Variants in CHIT1 observed in about 807,000 individuals in gnomAD.
The protein encoded by CHIT1 is chitotriosidase-1.
A neutral mutation model predicts 52.0 loss-of-function variants in CHIT1; 47 were observed. The ratio of observed to expected loss-of-function variants is 0.90; its 90% confidence interval spans 0.71 to 1.15. The LOEUF (loss-of-function observed/expected upper bound fraction) is 1.15. Among genes scored for constraint, CHIT1 ranks in the 50% most tolerant of loss-of-function variants. CHIT1 has a pLI of 0.00. For synonymous variants in CHIT1, 242 were observed against 228.2 expected (o/e 1.06, Z -0.54); for missense variants, 569 against 583.0 (o/e 0.98, Z 0.25).
chr1:203,221,878 G>A (rs935512801), intron 7 of CHIT1, among the ~76,000 whole-genome samples: 5 of 152,278 alleles, frequency 3.3e-5, no homozygotes, highest in African/African-American at 1.2e-4. Flanking sequence ...AGGAAATGGG[G>A]TGGGGGTGTG....
rs374174850 is a variant in CHIT1, at chr1:203,216,984, T to C, written c.1306A>G (p.Ser436Gly). The part of the protein sequence containing the change: ...GLYPNPRERS[S>G]FYSCAAGRLF... ...CGCCCCGCTGCACAGCTGTAGAAGC[T>C]GGACCGTTCCCGAGGATTGGGATAG... is the stretch of plus-strand genomic sequence containing the variant. Residue 436 changes from serine (S) to glycine (G), a missense_variant, in exon 11 of 11, where the codon AGC (serine) becomes GGC (glycine). Ser to Gly is a moderately conservative substitution (Grantham distance 56). Coordinates refer to ENST00000367229, the MANE Select transcript of CHIT1 (RefSeq NM_003465.3). The C allele has an allele frequency of 2.5e-6, 4 of 1,614,076 alleles. No individual in the cohort carries two copies. The highest frequency in any genetic ancestry group is 2.7e-5 in the African/African-American group (2 of 74,948).
intron 4 of CHIT1, among the ~76,000 whole-genome samples, chr1:203,224,159 GTCATCT>G (rs769846435): frequency 5.9e-5 from 9 of 152,136 alleles, no homozygotes; most frequent in Non-Finnish European, 1.3e-4. Flanking sequence ...GGTTAACCTG[GTCATCT>G]TTCTTTTAAC....
intron 1 of CHIT1, 21 bp from the exon 2 acceptor site, chr1:203,228,583 A>G: frequency 2.5e-6 from 4 of 1,577,486 alleles, no homozygotes; most frequent in Non-Finnish European, 3.5e-6. Flanking sequence ...ACAAGAGAGA[A>G]GGCCAGGGTT....
At position 203,223,200 on chromosome 1, in the gene CHIT1, C is replaced by T; in HGVS notation, c.540G>A (p.Leu180=). The part of the protein sequence containing the change: ...AQTSGKERLL[L]SAAVPAGQTY... ...TCTGCCCAGCTGGAACCGCTGCACT[C>T]AGAAGAAGGCGTTCCTTCCCTGAGG... The change falls in exon 6 of 11, where the codon CTG becomes CTA. Residue 180 remains leucine (L), a synonymous_variant. Coordinates refer to ENST00000367229, the MANE Select transcript of CHIT1 (RefSeq NM_003465.3). 1 of 1,614,228 alleles carries T rather than the reference C, an allele frequency of 6.2e-7. No homozygotes were observed. The highest frequency in any genetic ancestry group is 8.5e-7 in the Non-Finnish European group (1 of 1,180,046).
chr1:203,227,849 G>A (rs1250776895), intron 2 of CHIT1, among the ~76,000 whole-genome samples: 1 of 152,176 alleles, frequency 6.6e-6, no homozygotes, highest in Non-Finnish European at 1.5e-5. Context: ...AGGCTGAGAG[G>A]GAAATGTACC....
intron 6 of CHIT1, 48 bp from the exon 7 acceptor site, chr1:203,222,373 G>A (rs1479393787): frequency 1.1e-5 from 17 of 1,613,524 alleles, no homozygotes; most frequent in Admixed American, 5.0e-5. Flanking sequence ...ATTGGGGGTG[G>A]GGTAGCCCTT....
intron 4 of CHIT1, among the ~76,000 whole-genome samples, chr1:203,224,455 CA>C (rs202052416): frequency 2.0e-3 from 302 of 152,252 alleles, no homozygotes; most frequent in African/African-American, 6.8e-3. Context: ...ATCAGATTCC[CA>C]AAAGGGTTCA....
At chr1:203,229,038 T>C (rs1181765055) in intron 1 of CHIT1, among the ~76,000 whole-genome samples, 1 of 152,184 alleles carries the variant, frequency 6.6e-6, no homozygotes, top group Non-Finnish European at 1.5e-5. Flanking sequence ...TTCCGCTACC[T>C]GGCTGTGGTA....
chr1:203,228,645 G>A (rs956047929), intron 1 of CHIT1, 83 bp from the exon 2 acceptor site: 1 of 1,475,208 alleles, frequency 6.8e-7, no homozygotes, highest in Non-Finnish European at 9.3e-7. Flanking sequence ...AGCACAGGAG[G>A]TGGTCAGGGA....
Position 203,217,735 on chromosome 1 carries a change from T to C in CHIT1, c.1156+4A>G, listed in dbSNP as rs2297947. 5.3e-4 allele frequency: 849 copies of C among 1,613,590 alleles called. 12 individuals are homozygous for C. The East Asian group carries it at 0.014, about 27-fold the overall frequency. On this transcript the variant is annotated splice_donor_region_variant and intron_variant, in intron 10 of 10. Coordinates refer to ENST00000367229, the MANE Select transcript of CHIT1 (RefSeq NM_003465.3). ...CCACCACTGGCCCTGGGCCCCTTAC[T>C]TACTCAGTTCCTGCCGTAGCGTCTG...
intron 7 of CHIT1, among the ~76,000 whole-genome samples, chr1:203,220,512 C>G (rs1201432054): frequency 6.6e-6 from 1 of 152,172 alleles, no homozygotes. Flanking sequence ...TTATATATTA[C>G]TTGGTGTAAC....
At chr1:203,228,643 A>C in intron 1 of CHIT1, 81 bp from the exon 2 acceptor site, 1 of 1,480,848 alleles carries the variant, frequency 6.8e-7, no homozygotes, top group East Asian at 2.5e-5. Context: ...GAAGCACAGG[A>C]GGTGGTCAGG....
rs1255210918 is a variant in CHIT1, at chr1:203,222,212, C to T, written c.719G>A (p.Ser240Asn). 3.7e-6 allele frequency: 6 copies of T among 1,613,994 alleles called. No homozygotes were observed. Among genetic ancestry groups the T allele is most frequent in the East Asian group, 4.5e-5 (2 of 44,894 alleles). Reference sequence around the variant, plus strand: ...TCCTGCCACACGTACCACGTTGAGGCTGGCTGCTGCACCACTCTCTTCTTG... The same window carrying T: ...TCCTGCCACACGTACCACGTTGAGGTTGGCTGCTGCACCACTCTCTTCTTG... ...KRQEESGAAA[S>N]LNVDAAVQQW... Residue 240 changes from serine (S) to asparagine (N), a missense_variant, in exon 7 of 11, where the codon AGC (serine) becomes AAC (asparagine). Coordinates refer to ENST00000367229, the MANE Select transcript of CHIT1 (RefSeq NM_003465.3).
At chr1:203,228,701 C>T in intron 1 of CHIT1, 139 bp from the exon 2 acceptor site, 1 of 985,814 alleles carries the variant, frequency 1.0e-6, no homozygotes, top group Non-Finnish European at 1.6e-6. Flanking sequence ...AGAAGGGACC[C>T]AGGAGGGCAC....
Position 203,223,537 on chromosome 1 carries a change from C to T in CHIT1, c.438G>A (p.Gly146=). ...DLDWEYPGSQ[G]SPAVDKERFT... is the part of the protein sequence containing the mutation. Reference sequence around the variant, plus strand: ...AGCGCTCCTTGTCTACGGCAGGGCTCCCCTGGCTTCCTGGGTACTCCCAGT... The same window carrying T: ...AGCGCTCCTTGTCTACGGCAGGGCTTCCCTGGCTTCCTGGGTACTCCCAGT... The change falls in exon 5 of 11, where the codon GGG becomes GGA. Residue 146 remains glycine, a synonymous_variant. Coordinates refer to ENST00000367229, the MANE Select transcript of CHIT1 (RefSeq NM_003465.3). 1 of 1,614,208 alleles carries T rather than the reference C, an allele frequency of 6.2e-7. No individual in the cohort carries two copies. The highest frequency in any genetic ancestry group is 8.5e-7 in the Non-Finnish European group (1 of 1,180,032).
intron 5 of CHIT1, 63 bp from the exon 6 acceptor site, chr1:203,223,322 C>A: frequency 7.7e-6 from 12 of 1,556,558 alleles, no homozygotes; most frequent in Non-Finnish European, 1.0e-5. Flanking sequence ...CCCTGTGAGC[C>A]CCAGGTAGAT....
At position 203,216,885 on chromosome 1, in the gene CHIT1, C is replaced by A. The variant is rs567498553; in HGVS notation, c.*4G>T. On this transcript the variant is annotated 3_prime_UTR_variant, in exon 11 of 11. Coordinates refer to ENST00000367229, the MANE Select transcript of CHIT1 (RefSeq NM_003465.3). ...AAAGCTGGGACTGGAGGGGCTTTAG[C>A]GACTCAATTCCAGGTGCAGCATTTG... The A allele has an allele frequency of 6.2e-7, 1 of 1,613,946 alleles. No individual in the cohort carries two copies. The highest frequency in any genetic ancestry group is 8.5e-7 in the Non-Finnish European group (1 of 1,180,016).
In CHIT1 at chr1:203,218,037, A is replaced by C. The variant is rs763729427; in HGVS notation, c.1030-172T>G. 9.8e-6 allele frequency: 15 copies of C among 1,531,144 alleles called. No homozygotes were observed. The East Asian group carries it at 3.5e-4, about 35-fold the overall frequency. The allele number at this position is 1,531,144 out of a possible 1,614,324, so 94.8% of individuals were successfully genotyped here. Reference sequence around the variant, plus strand: ...CTGGGAGCCTGGATGCTGAGTCCTCATGCTGCTTGGACATCAGTCATTTTG... The same window carrying C: ...CTGGGAGCCTGGATGCTGAGTCCTCCTGCTGCTTGGACATCAGTCATTTTG... On this transcript the variant is annotated intron_variant, in intron 9 of 10. Transcript: ENST00000367229.
chr1:203,222,427 C>A (rs185348676), intron 6 of CHIT1, 102 bp from the exon 7 acceptor site: 243 of 1,565,388 alleles, frequency 1.6e-4, no homozygotes, highest in Middle Eastern at 6.0e-4. Context: ...AGGGAGGAAC[C>A]ACTGGGGTCA....
Sources: allele counts gnomAD v4.1 joint callset (sites outside exome capture counted in the v4.1 genomes callset), GRCh38; gene constraint gnomAD v4.1.1; transcripts MANE v1.5; gene names NCBI Gene and HGNC (gene_info 2026-07-23, HGNC 2026-07-21).